PRKCE: variants seen among roughly 807,000 people sequenced by gnomAD.
The protein encoded by PRKCE is protein kinase C epsilon type.
Under a neutral mutation model 85.4 loss-of-function variants are expected in PRKCE, and 16 were observed. That is an observed-to-expected ratio of 0.19 (90% confidence interval 0.13 to 0.28). PRKCE has a LOEUF of 0.28. PRKCE is among the 10% of genes least tolerant of loss of function. The pLI is 1.00. For synonymous variants in PRKCE, 388 were observed against 371.5 expected (o/e 1.04, Z -0.51); for missense variants, 573 against 975.2 (o/e 0.59, Z 5.49).
chr2:46,009,018 A>G (rs1202266107), intron 9 of PRKCE, among the ~76,000 whole-genome samples: 1 of 152,208 alleles, frequency 6.6e-6, no homozygotes, highest in Non-Finnish European at 1.5e-5. Flanking sequence ...AGCTTTGATG[A>G]CTTACATTGG....
chr2:45,730,455 AT>A (rs56947431), intron 1 of PRKCE, among the ~76,000 whole-genome samples: 3,689 of 128,492 alleles, frequency 0.029, 114 homozygotes, highest in East Asian at 0.15. Flanking sequence ...ACCAGTTGTA[AT>A]TTTTTTTTTT....
At chr2:45,891,026 GT>G (rs1695684126) in intron 2 of PRKCE, among the ~76,000 whole-genome samples, 1 of 152,214 alleles carries the variant, frequency 6.6e-6, no homozygotes, top group Non-Finnish European at 1.5e-5. Flanking sequence ...TGTCGTCTGA[GT>G]ATTTGAAGAT....
At chr2:45,660,003 G>A (rs1215045882) in intron 1 of PRKCE, among the ~76,000 whole-genome samples, 1 of 152,162 alleles carries the variant, frequency 6.6e-6, no homozygotes, top group Non-Finnish European at 1.5e-5. Context: ...CTGGCACTTT[G>A]TTGAATGAAT....
chr2:45,710,042 C>A (rs1679478266), intron 1 of PRKCE, among the ~76,000 whole-genome samples: 1 of 152,202 alleles, frequency 6.6e-6, no homozygotes, highest in Non-Finnish European at 1.5e-5. Context: ...AACCCCTGAC[C>A]TCAAGTGATC....
intron 1 of PRKCE, among the ~76,000 whole-genome samples, chr2:45,720,919 C>T (rs930825266): frequency 1.3e-5 from 2 of 151,996 alleles, no homozygotes; most frequent in African/African-American, 4.8e-5. Flanking sequence ...CCAGCCTGGC[C>T]AATATGGTGA....
intron 1 of PRKCE, among the ~76,000 whole-genome samples, chr2:45,752,405 C>T (rs746810575): frequency 6.6e-6 from 1 of 152,156 alleles, no homozygotes; most frequent in African/African-American, 2.4e-5. Flanking sequence ...TGCTTGCCTT[C>T]CTCCCTCCTA....
chr2:46,037,101 G>A (rs898068534), intron 10 of PRKCE, among the ~76,000 whole-genome samples: 2 of 152,092 alleles, frequency 1.3e-5, no homozygotes, highest in African/African-American at 4.8e-5. Flanking sequence ...AGATTTTCCT[G>A]TACCCATTCC....
intron 1 of PRKCE, among the ~76,000 whole-genome samples, chr2:45,809,358 A>T (rs1287797295): frequency 6.6e-6 from 1 of 152,184 alleles, no homozygotes; most frequent in East Asian, 1.9e-4. Context: ...TGTGACCTTG[A>T]GAAGCATTTT....
rs113273747 is a variant in PRKCE at position 45,786,123 on chromosome 2, C to T, written c.349-56877C>T. 4.0e-3 allele frequency among the ~76,000 whole-genome samples: 613 copies of T among 152,242 alleles called. 4 individuals are homozygous for T. Among genetic ancestry groups the T allele is most frequent in the African/African-American group, 0.014 (566 of 41,516 alleles). On this transcript the variant is annotated intron_variant, in intron 1 of 14. Coordinates refer to ENST00000306156, the MANE Select transcript of PRKCE (RefSeq NM_005400.3). The surrounding 1 kb of genome is among the most constrained non-coding windows in gnomAD (Gnocchi z 5.3). Reference sequence around the variant, plus strand: ...CCTTCCATAGGCACCTGCTGGGGATCTTTATTTGAAATGAGCAATGTATTA... The same window carrying T: ...CCTTCCATAGGCACCTGCTGGGGATTTTTATTTGAAATGAGCAATGTATTA...
chr2:46,153,353 A>G (rs1409511383), intron 13 of PRKCE, among the ~76,000 whole-genome samples: 1 of 152,220 alleles, frequency 6.6e-6, no homozygotes, highest in Non-Finnish European at 1.5e-5. Flanking sequence ...GGCAGGCACT[A>G]TGCCAGGCGC....
chr2:45,906,726 G>C (rs1459945771), intron 2 of PRKCE, among the ~76,000 whole-genome samples: 2 of 152,198 alleles, frequency 1.3e-5, no homozygotes, highest in Non-Finnish European at 2.9e-5. Context: ...GTCTTGATCT[G>C]TTGCTGCTGG....
intron 2 of PRKCE, among the ~76,000 whole-genome samples, chr2:45,913,627 T>C (rs1697540132): frequency 6.6e-6 from 1 of 152,270 alleles, no homozygotes; most frequent in African/African-American, 2.4e-5. Flanking sequence ...TTTTTGGGGC[T>C]TCTGGCTGAA....
chr2:46,020,398 T>C (rs1438832516), intron 10 of PRKCE, among the ~76,000 whole-genome samples: 2 of 152,188 alleles, frequency 1.3e-5, no homozygotes, highest in Non-Finnish European at 2.9e-5. Context: ...GACTGGGAGC[T>C]GGAGTGAGTC....
At chr2:45,897,657 A>G (rs989870033) in intron 2 of PRKCE, among the ~76,000 whole-genome samples, 96 of 152,298 alleles carry the variant, frequency 6.3e-4, no homozygotes, top group African/African-American at 2.0e-3. Context: ...AGTGGCTTTC[A>G]TGACAGAGAT....
chr2:45,939,303 T>C, intron 2 of PRKCE, among the ~76,000 whole-genome samples: 1 of 152,194 alleles, frequency 6.6e-6, no homozygotes, highest in Admixed American at 6.5e-5. Context: ...TGGGCTTGTC[T>C]AAAGCCAGCA....
At chr2:45,823,508 G>A (rs1689703702) in intron 1 of PRKCE, among the ~76,000 whole-genome samples, 1 of 152,208 alleles carries the variant, frequency 6.6e-6, no homozygotes, top group South Asian at 2.1e-4. Context: ...AAAGTAAGTG[G>A]TGGATTTTCT....
At chr2:45,931,084 T>C (rs578225272) in intron 2 of PRKCE, among the ~76,000 whole-genome samples, 2 of 152,332 alleles carry the variant, frequency 1.3e-5, no homozygotes, top group South Asian at 4.1e-4. Flanking sequence ...GCCAACAACA[T>C]TACATGACTT....
intron 1 of PRKCE, among the ~76,000 whole-genome samples, chr2:45,681,019 G>A (rs556913490): frequency 9.2e-5 from 14 of 152,192 alleles, no homozygotes; most frequent in African/African-American, 2.6e-4. Flanking sequence ...GGCTGAGTGC[G>A]GTGGCGCACG....
chr2:45,848,671 G>C (rs1298135488), intron 2 of PRKCE, among the ~76,000 whole-genome samples: 1 of 152,210 alleles, frequency 6.6e-6, no homozygotes, highest in Non-Finnish European at 1.5e-5. Context: ...GGGGAATGGA[G>C]AGTGGAGAAG....
Sources: allele counts gnomAD v4.1 joint callset (sites outside exome capture counted in the v4.1 genomes callset), GRCh38; gene constraint gnomAD v4.1.1; non-coding constraint Gnocchi (gnomAD v3.1); transcripts MANE v1.5; gene names NCBI Gene and HGNC (gene_info 2026-07-23, HGNC 2026-07-21).